AGBL1: variants seen among roughly 807,000 people sequenced by gnomAD.
AGBL1 encodes the protein cytosolic carboxypeptidase 4.
Under a neutral mutation model 118.9 loss-of-function variants are expected in AGBL1, and 130 were observed. The ratio of observed to expected loss-of-function variants is 1.09; its 90% CI spans 0.95 to 1.26. The LOEUF is 1.26. Among genes scored for constraint, AGBL1 ranks in the 50% most tolerant of loss-of-function variants. The probability of loss-of-function intolerance (pLI) is 0.00; values close to 1 mark genes in which losing one functional copy is unlikely to be tolerated. For synonymous variants in AGBL1, 555 were observed against 478.9 expected, an observed-to-expected ratio of 1.16 and a Z score of -2.08; for missense variants, 1,584 against 1,298.1, an observed-to-expected ratio of 1.22 and a Z score of -3.38.
At chr15:86,731,718 G>A (rs1223265941) in intron 22 of AGBL1, among the ~76,000 whole-genome samples, 1 of 152,178 alleles carries the variant, frequency 6.6e-6, no homozygotes, top group Non-Finnish European at 1.5e-5. Flanking sequence ...CTTTCAAGTT[G>A]CAGAGTAAGT....
chr15:86,936,457 T>C (rs1301545793), intron 23 of AGBL1, among the ~76,000 whole-genome samples: 3 of 152,128 alleles, frequency 2.0e-5, no homozygotes, highest in African/African-American at 7.2e-5. Flanking sequence ...TGCTATGCTT[T>C]GTAGATAGGG....
intron 17 of AGBL1, among the ~76,000 whole-genome samples, chr15:86,311,501 AT>A (rs1001217893): frequency 8.5e-4 from 129 of 151,836 alleles, no homozygotes; most frequent in African/African-American, 2.9e-3. Context: ...GGTTCTTGGA[AT>A]TTTTTTTTCC....
At chr15:86,400,924 C>T (rs1022959737) in intron 18 of AGBL1, among the ~76,000 whole-genome samples, 3 of 152,224 alleles carry the variant, frequency 2.0e-5, no homozygotes, top group Non-Finnish European at 2.9e-5. Context: ...CTGCTGTAAA[C>T]ATGTGTGTTC....
At chr15:87,004,599 G>A (rs1295440011) in intron 24 of AGBL1, among the ~76,000 whole-genome samples, 1 of 152,080 alleles carries the variant, frequency 6.6e-6, no homozygotes, top group Non-Finnish European at 1.5e-5. Flanking sequence ...CGTGAGATGG[G>A]TCTCCTGAAT....
chr15:86,680,499 T>G (rs901960171), intron 22 of AGBL1, among the ~76,000 whole-genome samples: 4 of 151,888 alleles, frequency 2.6e-5, no homozygotes, highest in African/African-American at 9.7e-5. Context: ...GCCAGCCTAA[T>G]TTTTCTTTCT....
At chr15:86,384,403 C>T (rs2081155093) in intron 17 of AGBL1, among the ~76,000 whole-genome samples, 1 of 152,104 alleles carries the variant, frequency 6.6e-6, no homozygotes, top group Non-Finnish European at 1.5e-5. Context: ...GGGGCGGGTG[C>T]ACAGCATCTG....
chr15:86,627,078 G>A (rs180830892), intron 21 of AGBL1, among the ~76,000 whole-genome samples: 7 of 151,880 alleles, frequency 4.6e-5, no homozygotes, highest in Admixed American at 1.3e-4. Context: ...TTGGCTCACC[G>A]CAACCTCCGC....
intron 22 of AGBL1, among the ~76,000 whole-genome samples, chr15:86,788,002 T>A (rs2078438897): frequency 6.6e-6 from 1 of 152,198 alleles, no homozygotes; most frequent in Non-Finnish European, 1.5e-5. Context: ...GCCACCTTCT[T>A]GAACATAAGA....
intron 18 of AGBL1, among the ~76,000 whole-genome samples, chr15:86,510,021 A>G (rs1393707811): frequency 6.6e-6 from 1 of 151,452 alleles, no homozygotes; most frequent in Non-Finnish European, 1.5e-5. Flanking sequence ...AATCAAGGAA[A>G]AGGAACTCCA....
At chr15:86,452,422 CT>C (rs1596132681) in intron 18 of AGBL1, among the ~76,000 whole-genome samples, 1 of 152,282 alleles carries the variant, frequency 6.6e-6, no homozygotes, top group East Asian at 1.9e-4. Context: ...TGAATATTCC[CT>C]TATGACACTG....
intron 22 of AGBL1, among the ~76,000 whole-genome samples, chr15:86,844,312 C>G (rs1177237493): frequency 6.6e-6 from 1 of 152,116 alleles, no homozygotes; most frequent in Non-Finnish European, 1.5e-5. Flanking sequence ...AGTGGCTGTA[C>G]CTTTTACAAT....
chr15:86,872,156 AG>A (rs1185055026), intron 22 of AGBL1, among the ~76,000 whole-genome samples: 1 of 152,240 alleles, frequency 6.6e-6, no homozygotes, highest in Non-Finnish European at 1.5e-5. Context: ...CTGTCAGGAC[AG>A]CTGTAGTAGT....
chr15:86,983,062 T>C (rs1287382769), intron 23 of AGBL1, among the ~76,000 whole-genome samples: 1 of 151,972 alleles, frequency 6.6e-6, no homozygotes, highest in African/African-American at 2.4e-5. Flanking sequence ...ACACCTTTTT[T>C]TGTTTTGTTT....
intron 22 of AGBL1, among the ~76,000 whole-genome samples, chr15:86,821,528 A>G (rs76702848): frequency 0.067 from 10,231 of 152,204 alleles, 523 homozygotes; most frequent in East Asian, 0.21. Flanking sequence ...ATAATAGATA[A>G]AAAATATAAT....
intron 21 of AGBL1, among the ~76,000 whole-genome samples, chr15:86,561,956 G>A (rs1233710425): frequency 2.0e-5 from 3 of 152,186 alleles, no homozygotes; most frequent in East Asian, 3.9e-4. Flanking sequence ...CTCTCTGTTT[G>A]TCTGTTATTG....
chr15:86,717,185 G>C (rs968615403), intron 22 of AGBL1, among the ~76,000 whole-genome samples: 1 of 152,170 alleles, frequency 6.6e-6, no homozygotes, highest in South Asian at 2.1e-4. Flanking sequence ...AGGAGAATTT[G>C]AGATGAAATG....
At chr15:86,520,156 A>G (rs17680531) in intron 18 of AGBL1, among the ~76,000 whole-genome samples, 4,706 of 152,278 alleles carry the variant, frequency 0.031, 109 homozygotes, top group East Asian at 0.082. Flanking sequence ...TAAGGAACCA[A>G]TGAATGTAGT....
intron 24 of AGBL1, among the ~76,000 whole-genome samples, chr15:87,002,382 C>T (rs1276301585): frequency 6.6e-6 from 1 of 151,794 alleles, no homozygotes; most frequent in Non-Finnish European, 1.5e-5. Flanking sequence ...TTACTGTAGC[C>T]TTGTAGTATA....
At chr15:86,261,848 G>A (rs189404239) in intron 9 of AGBL1, among the ~76,000 whole-genome samples, 8 of 152,038 alleles carry the variant, frequency 5.3e-5, no homozygotes, top group Non-Finnish European at 8.8e-5. Context: ...AAAGACTCAC[G>A]GTGCCTTGGT....
Sources: allele counts gnomAD v4.1 joint callset (sites outside exome capture counted in the v4.1 genomes callset), GRCh38; gene constraint gnomAD v4.1.1; transcripts MANE v1.5; gene names NCBI Gene and HGNC (gene_info 2026-07-23, HGNC 2026-07-21).